CPPED1: variants seen among roughly 807,000 people sequenced by gnomAD.
CPPED1 encodes the protein serine/threonine-protein phosphatase CPPED1.
CPPED1 carries 28 observed loss-of-function variants against 28.0 expected under a neutral mutation model. The observed-to-expected ratio is 1.00, with a 90% CI of 0.74 to 1.37. CPPED1 has a LOEUF of 1.37. CPPED1 is among the 40% of genes most tolerant of loss of function. CPPED1 has a pLI of 0.00. For missense variants in CPPED1, 504 were observed against 416.5 expected, an observed-to-expected ratio of 1.21 and a Z score of -1.83; for synonymous variants, 198 against 180.2, an observed-to-expected ratio of 1.10 and a Z score of -0.79.
chr16:12,749,498 A>C (rs759467368), intron 2 of CPPED1, among the ~76,000 whole-genome samples: 11 of 152,156 alleles, frequency 7.2e-5, no homozygotes, highest in Non-Finnish European at 1.3e-4. Flanking sequence ...TGAAGTCTTA[A>C]ACCCTTCGAA....
chr16:12,755,496 GGT>G (rs2080360281), intron 2 of CPPED1, among the ~76,000 whole-genome samples: 3 of 151,688 alleles, frequency 2.0e-5, no homozygotes, highest in African/African-American at 7.3e-5. Context: ...GGCTGAGGCT[GGT>G]GTATGAACTC....
chr16:12,683,255 A>C lies in CPPED1; in HGVS notation c.716-18140T>G, dbSNP rs563589393. 1.4e-4 allele frequency among the ~76,000 whole-genome samples: 21 copies of C among 152,194 alleles called. No individual in the cohort carries two copies. The South Asian group carries it at 3.3e-3, about 24-fold the overall frequency. On this transcript the variant is annotated intron_variant, in intron 3 of 3. Coordinates refer to ENST00000381774, the MANE Select transcript of CPPED1 (RefSeq NM_018340.3). ...CCCTTAAAGAACACACATTAACTAA[A>C]TTTGTGCACTTTTCCTTACCCCTGG... is the stretch of plus-strand genomic sequence containing the variant.
At chr16:12,770,239 G>A (rs947412641) in intron 2 of CPPED1, among the ~76,000 whole-genome samples, 9 of 152,128 alleles carry the variant, frequency 5.9e-5, no homozygotes, top group South Asian at 2.1e-4. Context: ...TGCAAATGGC[G>A]CTGAGGCAGA....
At chr16:12,666,333 C>T (rs531717646) in intron 3 of CPPED1, among the ~76,000 whole-genome samples, 26 of 151,956 alleles carry the variant, frequency 1.7e-4, no homozygotes, top group Admixed American at 6.6e-4. Context: ...AAAATGTCAC[C>T]GGGAGTTCAG....
intron 3 of CPPED1, among the ~76,000 whole-genome samples, chr16:12,681,875 G>A (rs1025855614): frequency 6.6e-6 from 1 of 152,142 alleles, no homozygotes; most frequent in Non-Finnish European, 1.5e-5. Context: ...TCACACTCCA[G>A]GGCAAAGAGC....
Position 12,664,770 on chromosome 16 carries a change from T to C in CPPED1, c.*116A>G. 2 of 1,518,342 alleles carry C rather than the reference T, an allele frequency of 1.3e-6. No individual in the cohort carries two copies. The highest frequency in any genetic ancestry group is 1.8e-6 in the Non-Finnish European group (2 of 1,142,572). 94.1% of individuals were successfully genotyped at this position (1,518,342 alleles called of 1,614,324 possible). A position where few individuals can be genotyped will look rare whatever the true frequency, so the allele number is the denominator to read the frequency against. ...TCTGATTTATGCAAAAGGACATAAA[T>C]TCACAAACCTGCCTGGGCTATTTTT... On this transcript the variant is annotated 3_prime_UTR_variant, in exon 4 of 4. Transcript: ENST00000381774. This position sits in a 1 kb window ranked among gnomAD's most constrained non-coding sequence, Gnocchi z 4.2.
intron 3 of CPPED1, among the ~76,000 whole-genome samples, chr16:12,668,255 G>A (rs1011657376): frequency 2.0e-5 from 3 of 152,100 alleles, no homozygotes; most frequent in South Asian, 2.1e-4. Flanking sequence ...ATGACCAAAC[G>A]CCAATATTTT....
At chr16:12,803,230 G>A (rs931769783) in intron 1 of CPPED1, among the ~76,000 whole-genome samples, 1 of 152,180 alleles carries the variant, frequency 6.6e-6, no homozygotes, top group Non-Finnish European at 1.5e-5. Flanking sequence ...TTCGGTGAAT[G>A]ACTTAAATAA....
intron 2 of CPPED1, among the ~76,000 whole-genome samples, chr16:12,770,713 T>C (rs2080464937): frequency 6.6e-6 from 1 of 151,944 alleles, no homozygotes; most frequent in Admixed American, 6.6e-5. Context: ...TCCCAGCTAC[T>C]CGGGAGACTG....
intron 2 of CPPED1, among the ~76,000 whole-genome samples, chr16:12,779,666 C>T (rs1040059878): frequency 3.9e-5 from 6 of 152,016 alleles, no homozygotes; most frequent in East Asian, 3.9e-4. Context: ...CATAAGCCAC[C>T]GCGCCCGGCC....
chr16:12,716,673 T>G (rs2080108646), intron 2 of CPPED1, among the ~76,000 whole-genome samples: 1 of 152,250 alleles, frequency 6.6e-6, no homozygotes, highest in Non-Finnish European at 1.5e-5. Flanking sequence ...ATACTGCTCT[T>G]TCAAAGCCAG....
chr16:12,743,301 T>C (rs1258820947), intron 2 of CPPED1, among the ~76,000 whole-genome samples: 1 of 151,922 alleles, frequency 6.6e-6, no homozygotes, highest in Non-Finnish European at 1.5e-5. Flanking sequence ...AAAAATGAAA[T>C]AAAATTGTGA....
At chr16:12,788,178 T>C (rs755761651) in intron 1 of CPPED1, among the ~76,000 whole-genome samples, 1 of 152,190 alleles carries the variant, frequency 6.6e-6, no homozygotes, top group Non-Finnish European at 1.5e-5. Context: ...AACATCATGA[T>C]GGAATTAACA....
At chr16:12,762,028 G>C (rs1214615856) in intron 2 of CPPED1, among the ~76,000 whole-genome samples, 1 of 140,608 alleles carries the variant, frequency 7.1e-6, no homozygotes, top group Non-Finnish European at 1.5e-5. Flanking sequence ...AAAAAAAAAA[G>C]TGAACAATGT....
intron 1 of CPPED1, among the ~76,000 whole-genome samples, chr16:12,800,348 G>C (rs948192692): frequency 4.6e-5 from 7 of 151,162 alleles, no homozygotes; most frequent in Non-Finnish European, 1.0e-4. Context: ...TGAAGCAGGA[G>C]AATCGTTTGA....
At chr16:12,780,068 G>A (rs922095547) in intron 2 of CPPED1, among the ~76,000 whole-genome samples, 7 of 152,158 alleles carry the variant, frequency 4.6e-5, no homozygotes, top group Non-Finnish European at 8.8e-5. Flanking sequence ...TTTCGGGGGA[G>A]ACTGTCCTGT....
chr16:12,741,983 T>C (rs1426471226), intron 2 of CPPED1, among the ~76,000 whole-genome samples: 2 of 152,028 alleles, frequency 1.3e-5, no homozygotes, highest in Non-Finnish European at 2.9e-5. Context: ...GGACAATCGC[T>C]TGAACCTGGG....
intron 2 of CPPED1, among the ~76,000 whole-genome samples, chr16:12,772,340 A>G (rs1167366617): frequency 6.6e-6 from 1 of 152,084 alleles, no homozygotes; most frequent in African/African-American, 2.4e-5. Flanking sequence ...CAGTAATTCT[A>G]CTTTACTTCC....
intron 2 of CPPED1, among the ~76,000 whole-genome samples, chr16:12,714,555 T>C (rs1049848325): frequency 1.3e-5 from 2 of 152,268 alleles, no homozygotes; most frequent in Non-Finnish European, 1.5e-5. Flanking sequence ...TAAACATTTG[T>C]TGTTGTGCTT....
Sources: gnomAD v4.1 joint callset for allele counts (sites outside exome capture counted in the v4.1 genomes callset) on GRCh38, gnomAD v4.1.1 for gene constraint, Gnocchi (gnomAD v3.1) non-coding constraint, MANE v1.5 for transcripts, NCBI Gene and HGNC (gene_info 2026-07-23, HGNC 2026-07-21) for gene names.